WWOX: variants seen among roughly 807,000 people sequenced by gnomAD.
WWOX encodes the protein WW domain-containing oxidoreductase.
WWOX carries 69 observed loss-of-function variants against 46.2 expected under a neutral mutation model. That is an observed-to-expected ratio of 1.49 (90% CI 1.23 to 1.82). WWOX has a LOEUF of 1.82. WWOX is among the 40% of genes most tolerant of loss of function. The probability of loss-of-function intolerance (pLI) is 0.00; values close to 1 mark genes in which losing one functional copy is unlikely to be tolerated. For synonymous variants in WWOX, 359 were observed against 202.6 expected (o/e 1.77, Z -6.56); for missense variants, 919 against 542.6 (o/e 1.69, Z -6.89).
At chr16:79,105,150 CGAT>C (rs2150641296) in intron 8 of WWOX, among the ~76,000 whole-genome samples, 1 of 152,240 alleles carries the variant, frequency 6.6e-6, no homozygotes, top group African/African-American at 2.4e-5. Flanking sequence ...CAGAGCCTCT[CGAT>C]GAGCTATGAA....
At position 78,323,339 on chromosome 16, in the gene WWOX, T is replaced by G. The variant is rs1044621021; in HGVS notation, c.517-63521T>G. ...CCAGGATGGTCTCGATCTCCTGACCTCATGATCTGTCAGCCTCAGCCTCCT... is the reference window on the plus strand; with the variant it reads ...CCAGGATGGTCTCGATCTCCTGACCGCATGATCTGTCAGCCTCAGCCTCCT... On this transcript the variant is annotated intron_variant, in intron 5 of 8. Coordinates refer to ENST00000566780, the MANE Select transcript of WWOX (RefSeq NM_016373.4). 6.6e-5 allele frequency among the ~76,000 whole-genome samples: 10 copies of G among 152,266 alleles called. No homozygotes were observed. In the East Asian group the frequency reaches 1.7e-3, roughly 26 times the overall value.
Position 78,460,855 on chromosome 16 carries a change from C to T in WWOX, c.1056+28103C>T, listed in dbSNP as rs113176118. 3.6e-3 allele frequency among the ~76,000 whole-genome samples: 545 copies of T among 152,342 alleles called. 4 individuals carry two copies. Among genetic ancestry groups the T allele is most frequent in the African/African-American group, 0.012 (506 of 41,574 alleles). The stretch of plus-strand genomic sequence containing the variant: ...TAGTTTGCTCTGTTACGTGAGGACA[C>T]ATCACTTGCACCTCAGTGTGAGTTT... On this transcript the variant is annotated intron_variant, in intron 8 of 8. Coordinates refer to ENST00000566780, the MANE Select transcript of WWOX (RefSeq NM_016373.4).
intron 8 of WWOX, among the ~76,000 whole-genome samples, chr16:79,021,946 A>G (rs1228582936): frequency 6.6e-6 from 1 of 152,252 alleles, no homozygotes; most frequent in East Asian, 1.9e-4. Context: ...ACTGAGAGTT[A>G]AAATCACCCA....
chr16:78,922,201 G>C (rs544755728), intron 8 of WWOX, among the ~76,000 whole-genome samples: 1 of 152,100 alleles, frequency 6.6e-6, no homozygotes, highest in South Asian at 2.1e-4. Context: ...GTGGTACAGT[G>C]TCCCTACCCT....
intron 8 of WWOX, among the ~76,000 whole-genome samples, chr16:79,046,770 G>T (rs529087990): frequency 1.6e-4 from 25 of 152,264 alleles, no homozygotes; most frequent in African/African-American, 6.0e-4. Context: ...CTGGGTGTGT[G>T]TGGGCAACTT....
intron 8 of WWOX, among the ~76,000 whole-genome samples, chr16:78,458,312 G>A (rs917028079): frequency 6.9e-6 from 1 of 144,646 alleles, no homozygotes; most frequent in African/African-American, 2.5e-5. Flanking sequence ...TCAGGCTAGA[G>A]TACAGTGGCG....
At chr16:79,028,204 C>T (rs2047684026) in intron 8 of WWOX, among the ~76,000 whole-genome samples, 2 of 151,924 alleles carry the variant, frequency 1.3e-5, no homozygotes, top group Admixed American at 6.5e-5. Context: ...CTGCCTTGGC[C>T]TCCCAAAGTG....
intron 8 of WWOX, among the ~76,000 whole-genome samples, chr16:79,144,073 T>C (rs966657473): frequency 4.6e-5 from 7 of 152,142 alleles, no homozygotes; most frequent in African/African-American, 7.2e-5. Flanking sequence ...AAGTTTATTA[T>C]TTTTTGGTAG....
At chr16:78,278,388 G>A (rs139726442) in intron 5 of WWOX, among the ~76,000 whole-genome samples, 1 of 152,316 alleles carries the variant, frequency 6.6e-6, no homozygotes, top group Non-Finnish European at 1.5e-5. Flanking sequence ...GTGGAAGGAA[G>A]GAGCTTCCTG....
intron 8 of WWOX, among the ~76,000 whole-genome samples, chr16:78,922,834 A>G (rs551493073): frequency 1.3e-5 from 2 of 152,220 alleles, no homozygotes; most frequent in Non-Finnish European, 2.9e-5. Flanking sequence ...AGTCCTGGGC[A>G]CCATTGCTAA....
chr16:78,131,960 A>G (rs919476412), intron 4 of WWOX, among the ~76,000 whole-genome samples: 1 of 149,982 alleles, frequency 6.7e-6, no homozygotes, highest in South Asian at 2.1e-4. Context: ...AACTTTTGCT[A>G]TTTTGAATGA....
intron 8 of WWOX, among the ~76,000 whole-genome samples, chr16:79,068,315 G>T (rs1242015092): frequency 6.6e-6 from 1 of 152,224 alleles, no homozygotes; most frequent in Non-Finnish European, 1.5e-5. Context: ...TCTTGGGGGT[G>T]AGGACAATTA....
In WWOX at chr16:78,928,341, T is replaced by C. The variant is rs2045547141; in HGVS notation, c.1057-283267T>C. 3.3e-5 allele frequency among the ~76,000 whole-genome samples: 5 copies of C among 151,690 alleles called. No individual in the cohort carries two copies. In the South Asian group the frequency reaches 1.0e-3, roughly 32 times the overall value. ...CCTCAGCCTCCCGAGTAGCTGGGAC[T>C]ACAGGCGCCCGCTACCACGCCCGGC... On this transcript the variant is annotated intron_variant, in intron 8 of 8. Coordinates refer to ENST00000566780, the MANE Select transcript of WWOX (RefSeq NM_016373.4).
At chr16:78,501,821 C>T (rs1037116475) in intron 8 of WWOX, among the ~76,000 whole-genome samples, 29 of 152,102 alleles carry the variant, frequency 1.9e-4, no homozygotes, top group African/African-American at 7.0e-4. Context: ...TGAGAAGTTA[C>T]GTGAAACTAG....
At chr16:78,604,281 C>T (rs747369969) in intron 8 of WWOX, among the ~76,000 whole-genome samples, 1 of 152,106 alleles carries the variant, frequency 6.6e-6, no homozygotes, top group African/African-American at 2.4e-5. Flanking sequence ...TCTACCACAC[C>T]AATGCCTTCA....
At chr16:78,730,311 C>G (rs756070430) in intron 8 of WWOX, among the ~76,000 whole-genome samples, 20 of 152,094 alleles carry the variant, frequency 1.3e-4, no homozygotes, top group Non-Finnish European at 2.2e-4. Context: ...CTCCTTCCCT[C>G]TCTGCCTCCT....
At chr16:78,258,322 A>C (rs1005467084) in intron 5 of WWOX, among the ~76,000 whole-genome samples, 1 of 152,222 alleles carries the variant, frequency 6.6e-6, no homozygotes, top group Non-Finnish European at 1.5e-5. Flanking sequence ...AAAGGGATTT[A>C]AAAATAGGCT....
intron 8 of WWOX, among the ~76,000 whole-genome samples, chr16:78,786,736 A>G (rs1311742050): frequency 6.6e-6 from 1 of 152,220 alleles, no homozygotes; most frequent in African/African-American, 2.4e-5. Context: ...TGTTTCCTTT[A>G]AAGAGCTTAT....
chr16:78,634,112 C>T (rs577881499), intron 8 of WWOX, among the ~76,000 whole-genome samples: 3 of 152,112 alleles, frequency 2.0e-5, no homozygotes, highest in Non-Finnish European at 4.4e-5. Flanking sequence ...AGCTATATGA[C>T]TCTGTACCAG....
Sources: gnomAD v4.1 joint callset for allele counts (sites outside exome capture counted in the v4.1 genomes callset) on GRCh38, gnomAD v4.1.1 for gene constraint, MANE v1.5 for transcripts, NCBI Gene and HGNC (gene_info 2026-07-23, HGNC 2026-07-21) for gene names.